Variants in TENM4 observed in about 807,000 individuals in gnomAD.
TENM4 encodes the protein teneurin-4.
A neutral mutation model predicts 243.3 loss-of-function variants in TENM4; 82 were observed. The observed-to-expected ratio is 0.34, with a 90% CI of 0.28 to 0.40. The LOEUF is 0.40. TENM4 is among the 10% of genes least tolerant of loss of function. TENM4 has a pLI of 1.00. For missense variants in TENM4, 3,138 were observed against 3,673.3 expected (o/e 0.85, Z 3.77); for synonymous variants, 1,412 against 1,456.3 (o/e 0.97, Z 0.69).
chr11:79,196,242 G>A (rs1863624694), intron 3 of TENM4, among the ~76,000 whole-genome samples: 1 of 152,108 alleles, frequency 6.6e-6, no homozygotes, highest in Non-Finnish European at 1.5e-5. Context: ...AGCCTGGACT[G>A]AGGGGAGATA....
chr11:79,033,101 A>G (rs1435330880), intron 6 of TENM4, among the ~76,000 whole-genome samples: 1 of 152,072 alleles, frequency 6.6e-6, no homozygotes, highest in Non-Finnish European at 1.5e-5. Flanking sequence ...CTCCTCAGGG[A>G]AGAACTAAAT....
rs368564607 is a variant in TENM4 at position 78,657,633 on chromosome 11, C to T, written c.*425G>A. On this transcript the variant is annotated 3_prime_UTR_variant, in exon 34 of 34. Transcript: ENST00000278550. ...GCCCATCACTCCCTTTACTCCTGCC[C>T]GACCCCAGTCGAAGAAGAAAGGGTT... 3.4e-5 allele frequency: 12 copies of T among 353,930 alleles called. 1 individual carries two copies. In the East Asian group the frequency reaches 4.4e-4, roughly 13 times the overall value. The allele number at this position is 353,930 out of a possible 1,614,324, so 21.9% of individuals were successfully genotyped here. A position where few individuals can be genotyped will look rare whatever the true frequency, so the allele number is the denominator to read the frequency against.
chr11:79,325,988 G>C (rs538248338), intron 1 of TENM4, among the ~76,000 whole-genome samples: 21 of 152,326 alleles, frequency 1.4e-4, no homozygotes, highest in African/African-American at 4.6e-4. Context: ...GAGCCTGCTC[G>C]CATCTCTGCG....
At chr11:78,739,719 A>T (rs1391012789) in intron 19 of TENM4, among the ~76,000 whole-genome samples, 2 of 152,190 alleles carry the variant, frequency 1.3e-5, no homozygotes, top group Non-Finnish European at 2.9e-5. Context: ...ACGCTGGATG[A>T]AGTCGGGATG....
At chr11:79,188,646 C>A (rs545406002) in intron 3 of TENM4, among the ~76,000 whole-genome samples, 3 of 143,590 alleles carry the variant, frequency 2.1e-5, no homozygotes, top group East Asian at 4.1e-4. Context: ...AGAAGGGGAG[C>A]AAGCAGAAGA....
At chr11:79,109,931 A>T (rs2137101324) in intron 4 of TENM4, among the ~76,000 whole-genome samples, 1 of 152,362 alleles carries the variant, frequency 6.6e-6, no homozygotes. Context: ...CACACCTGGC[A>T]CACTGTGAAT....
chr11:79,397,483 G>C lies in TENM4; in HGVS notation c.-321+43026C>G, dbSNP rs112849507. 2.0e-5 allele frequency among the ~76,000 whole-genome samples: 3 copies of C among 152,254 alleles called. 1 individual carries two copies. The highest frequency in any genetic ancestry group is 7.2e-5 in the African/African-American group (3 of 41,540). On this transcript the variant is annotated intron_variant, in intron 1 of 33. Transcript: ENST00000278550. The stretch of plus-strand genomic sequence containing the variant: ...GGAACCCCAAAGATGTGTCACTCCT[G>C]CTTCTTCTCCGGATACCATTTCCTG...
At chr11:78,695,089 C>G (rs976215208) in intron 28 of TENM4, among the ~76,000 whole-genome samples, 2 of 152,128 alleles carry the variant, frequency 1.3e-5, no homozygotes, top group African/African-American at 4.8e-5. Flanking sequence ...CTCTGTTGCC[C>G]AGGCTGGAGT....
At chr11:78,768,536 G>A (rs562570410) in intron 18 of TENM4, among the ~76,000 whole-genome samples, 1 of 152,258 alleles carries the variant, frequency 6.6e-6, no homozygotes, top group Non-Finnish European at 1.5e-5. Context: ...GGTAGGGACT[G>A]TGTCTTATTT....
chr11:79,280,128 T>A (rs1487927074), intron 2 of TENM4, among the ~76,000 whole-genome samples: 1 of 152,232 alleles, frequency 6.6e-6, no homozygotes, highest in Non-Finnish European at 1.5e-5. Flanking sequence ...TCTAGAACTG[T>A]GAGAAATAAA....
chr11:79,327,816 C>A (rs565625167), intron 1 of TENM4, among the ~76,000 whole-genome samples: 124 of 152,188 alleles, frequency 8.1e-4, no homozygotes, highest in African/African-American at 2.8e-3. Flanking sequence ...AGAGGCAACT[C>A]CACCATTGTC....
intron 2 of TENM4, among the ~76,000 whole-genome samples, chr11:79,252,977 ATATAT>A (rs1855638349): frequency 6.6e-6 from 1 of 152,236 alleles, no homozygotes; most frequent in African/African-American, 2.4e-5. Flanking sequence ...TGCTTAATAC[ATATAT>A]TATATCAACA....
At chr11:78,737,756 T>C (rs1855833283) in intron 20 of TENM4, among the ~76,000 whole-genome samples, 1 of 152,234 alleles carries the variant, frequency 6.6e-6, no homozygotes, top group Non-Finnish European at 1.5e-5. Flanking sequence ...CTAATATTTA[T>C]TGTATACTTA....
intron 3 of TENM4, among the ~76,000 whole-genome samples, chr11:79,175,124 A>G (rs1205920246): frequency 6.6e-6 from 1 of 152,232 alleles, no homozygotes; most frequent in African/African-American, 2.4e-5. Flanking sequence ...TCAGCAGGGC[A>G]TATTGGACCG....
chr11:78,933,383 A>G (rs1856713573), intron 6 of TENM4, among the ~76,000 whole-genome samples: 1 of 152,208 alleles, frequency 6.6e-6, no homozygotes, highest in Non-Finnish European at 1.5e-5. Flanking sequence ...AATGCTGCAT[A>G]AACTCAACAT....
intron 9 of TENM4, among the ~76,000 whole-genome samples, chr11:78,871,824 C>G (rs1274987588): frequency 5.3e-5 from 8 of 152,100 alleles, no homozygotes; most frequent in Non-Finnish European, 8.8e-5. Flanking sequence ...CTCTGCCCCC[C>G]CAGAACCTGG....
intron 6 of TENM4, among the ~76,000 whole-genome samples, chr11:78,990,081 T>C (rs1250876604): frequency 6.8e-6 from 1 of 147,292 alleles, no homozygotes; most frequent in Non-Finnish European, 1.5e-5. Flanking sequence ...AAAAAAAAGA[T>C]GATTTGGCAT....
At position 79,402,549 on chromosome 11, in the gene TENM4, A is replaced by G. The variant is rs1054760354; in HGVS notation, c.-321+37960T>C. 7.9e-5 allele frequency among the ~76,000 whole-genome samples: 12 copies of G among 152,244 alleles called. 1 individual carries two copies. Among genetic ancestry groups the G allele is most frequent in the Admixed American group, 3.9e-4 (6 of 15,290 alleles). ...GTTTTTATAACTCCAGGCTACTGAC[A>G]CCTGTCTCTTGGTCCCACCCACAAG... On this transcript the variant is annotated intron_variant, in intron 1 of 33. Transcript: ENST00000278550.
intron 1 of TENM4, among the ~76,000 whole-genome samples, chr11:79,384,818 C>T (rs1021127419): frequency 1.5e-4 from 23 of 151,674 alleles, no homozygotes; most frequent in African/African-American, 5.6e-4. Flanking sequence ...CCAAGCTACT[C>T]GGGAGGCTAA....
Sources: gnomAD v4.1 joint callset for allele counts (sites outside exome capture counted in the v4.1 genomes callset) on GRCh38, gnomAD v4.1.1 for gene constraint, MANE v1.5 for transcripts, NCBI Gene and HGNC (gene_info 2026-07-23, HGNC 2026-07-21) for gene names.